The following HLA-DPA1 variants were observed in gnomAD, a reference collection of about 807,000 sequenced individuals.
The protein encoded by HLA-DPA1 is major histocompatibility complex, class II, DP alpha 1, also known as HLA class II histocompatibility antigen, DP alpha 1 chain.
Under a neutral mutation model 21.5 loss-of-function variants are expected in HLA-DPA1, and 20 were observed. The ratio of observed to expected loss-of-function variants is 0.93; its 90% confidence interval spans 0.66 to 1.35. HLA-DPA1 has a LOEUF of 1.35. Ranked by LOEUF, HLA-DPA1 falls within the 40% of genes most tolerant of loss-of-function variation. The probability of loss-of-function intolerance (pLI) is 0.00; values close to 1 mark genes in which losing one functional copy is unlikely to be tolerated. For synonymous variants in HLA-DPA1, 123 were observed against 129.6 expected, an observed-to-expected ratio of 0.95 and a Z score of 0.35; for missense variants, 279 against 323.0, an observed-to-expected ratio of 0.86 and a Z score of 1.05.
Position 33,080,647 on chromosome 6 carries a change from G to A in HLA-DPA1, c.-100+33C>T. The A allele has an allele frequency of 6.2e-7, 1 of 1,612,120 alleles. No homozygotes were observed. The highest frequency in any genetic ancestry group is 1.1e-5 in the South Asian group (1 of 91,054). On this transcript the variant is annotated intron_variant, in intron 1 of 5. Coordinates refer to ENST00000419277, the Ensembl canonical transcript of HLA-DPA1. This position sits in a 1 kb window ranked among gnomAD's most constrained non-coding sequence, Gnocchi z 4.3. Reference sequence around the variant, plus strand: ...AGGATTAGATGAGAGTGGCGCCTCCGCTCATGTCCGCCCCCTCCCCGCAGA... The same window carrying A: ...AGGATTAGATGAGAGTGGCGCCTCCACTCATGTCCGCCCCCTCCCCGCAGA...
intron 1 of HLA-DPA1, among the ~76,000 whole-genome samples, chr6:33,075,771 T>C (rs1442799678): frequency 6.6e-6 from 1 of 152,196 alleles, no homozygotes; most frequent in African/African-American, 2.4e-5. Context: ...TCTGACTGGT[T>C]AAAATGAGTA....
chr6:33,077,622 TCAA>T (rs1370459669), intron 1 of HLA-DPA1, among the ~76,000 whole-genome samples: 2 of 152,156 alleles, frequency 1.3e-5, no homozygotes, highest in Non-Finnish European at 2.9e-5. Flanking sequence ...GTAAACTAGT[TCAA>T]CCATTGTACT....
chr6:33,073,214 A>G (rs936800529), intron 2 of HLA-DPA1, among the ~76,000 whole-genome samples: 2 of 152,228 alleles, frequency 1.3e-5, no homozygotes, highest in African/African-American at 4.8e-5. Flanking sequence ...TTCTAAATAA[A>G]AGGAATAATT....
intron 1 of HLA-DPA1, chr6:33,076,199 C>A: frequency 8.4e-7 from 1 of 1,196,720 alleles, no homozygotes. Context: ...TCCTAGGGGA[C>A]GTTATCTTTA....
rs2567284 is a variant in HLA-DPA1 at position 33,080,535 on chromosome 6, G to A, written c.-100+145C>T. On this transcript the variant is annotated intron_variant, in intron 1 of 5. Transcript: ENST00000419277. The surrounding 1 kb of genome is among the most constrained non-coding windows in gnomAD (Gnocchi z 4.3). ...GACCCGCTTAGGACCACAGAACTCG[G>A]TACTAGGAAAACTCCTATTTTAAAA... 0.01 allele frequency: 12,943 copies of A among 1,281,896 alleles called. 184 individuals carry two copies. Among genetic ancestry groups the A allele is most frequent in the African/African-American group, 0.064 (4,269 of 66,724 alleles). The allele number at this position is 1,281,896 out of a possible 1,614,324, so 79.4% of individuals were successfully genotyped here. A position where few individuals can be genotyped will look rare whatever the true frequency, so the allele number is the denominator to read the frequency against.
chr6:33,064,572 G>C (rs976248605), exon 6 of HLA-DPA1: 1 of 151,884 alleles, frequency 6.6e-6, no homozygotes, highest in Non-Finnish European at 1.5e-5. Context: ...CAATGAATTA[G>C]GGCATTTTAA....
At chr6:33,066,159 A>G (rs898326184) in intron 5 of HLA-DPA1, 1 of 152,172 alleles carries the variant, frequency 6.6e-6, no homozygotes, top group African/African-American at 2.4e-5. Flanking sequence ...AATGTGTGTG[A>G]ACTAAGAAAA....
chr6:33,078,486 A>G (rs1205798791), intron 1 of HLA-DPA1, among the ~76,000 whole-genome samples: 2 of 152,206 alleles, frequency 1.3e-5, no homozygotes, highest in East Asian at 3.8e-4. Context: ...CTTGGCTGAG[A>G]CAACCCATAG....
chr6:33,076,705 A>G (rs1457489256), intron 1 of HLA-DPA1, among the ~76,000 whole-genome samples: 3 of 152,126 alleles, frequency 2.0e-5, no homozygotes, highest in Non-Finnish European at 4.4e-5. Context: ...GCCTCCCCAG[A>G]ACTTGGTTAG....
rs914852630 is a variant in HLA-DPA1, at chr6:33,075,600, C to T, written c.-99-1931G>A. ...AGTCATGCCACTGAATGACCTTTTA[C>T]ACACTAAGATAGCACTTTTTCCACA... On this transcript the variant is annotated intron_variant, in intron 1 of 5. Transcript: ENST00000419277. Among the ~76,000 whole-genome samples, 7 of 152,162 alleles carry T rather than the reference C, an allele frequency of 4.6e-5. 1 individual carries two copies. The highest frequency in any genetic ancestry group is 1.7e-4 in the African/African-American group (7 of 41,436).
At chr6:33,072,515 TATAAC>T (rs1317153579) in intron 2 of HLA-DPA1, among the ~76,000 whole-genome samples, 1 of 152,218 alleles carries the variant, frequency 6.6e-6, no homozygotes, top group Non-Finnish European at 1.5e-5. Context: ...TGGTGTTTAT[TATAAC>T]ATAACATTAG....
At chr6:33,076,048 GT>G in intron 1 of HLA-DPA1, 1 of 1,611,692 alleles carries the variant, frequency 6.2e-7, no homozygotes, top group South Asian at 1.1e-5. Context: ...CTCCATGATG[GT>G]TCTGCAGGTT....
At chr6:33,079,671 G>T in intron 1 of HLA-DPA1, 1 of 482,990 alleles carries the variant, frequency 2.1e-6, no homozygotes. Flanking sequence ...CTGCCCAGTG[G>T]CTTCCAGAAG....
At chr6:33,068,709 C>A in exon 5 of HLA-DPA1, 3 of 1,612,992 alleles carry the variant, frequency 1.9e-6, no homozygotes, top group Non-Finnish European at 2.5e-6. Context: ...ATGATGAGGA[C>A]GGTGCCCACG....
intron 2 of HLA-DPA1, among the ~76,000 whole-genome samples, chr6:33,071,567 C>T (rs2150361722): frequency 6.6e-6 from 1 of 152,302 alleles, no homozygotes; most frequent in African/African-American, 2.4e-5. Flanking sequence ...TAAAAGACTA[C>T]TATATGTCAA....
intron 2 of HLA-DPA1, among the ~76,000 whole-genome samples, chr6:33,073,075 G>C (rs1350544937): frequency 6.6e-6 from 1 of 152,240 alleles, no homozygotes; most frequent in Non-Finnish European, 1.5e-5. Context: ...GTCACTGTGT[G>C]CAGGAATCTG....
chr6:33,070,633 G>A (rs1409593118), intron 2 of HLA-DPA1, among the ~76,000 whole-genome samples: 1 of 152,024 alleles, frequency 6.6e-6, no homozygotes, highest in Non-Finnish European at 1.5e-5. Context: ...TTTCATTTGG[G>A]GCATATAAAT....
At position 33,071,704 on chromosome 6, in the gene HLA-DPA1, C is replaced by T. The variant is rs143684905; in HGVS notation, c.100+1767G>A. Among the ~76,000 whole-genome samples the T allele has an allele frequency of 1.8e-3, 273 of 152,126 alleles. 1 individual carries two copies. Among genetic ancestry groups the T allele is most frequent in the African/African-American group, 6.3e-3 (259 of 41,434 alleles). On this transcript the variant is annotated intron_variant, in intron 2 of 5. Coordinates refer to ENST00000419277, the Ensembl canonical transcript of HLA-DPA1. ...AGGTTCAGAAGGATAAGTGCAGATA[C>T]GTAGGTATACACAAGATGCGACCAA... is the stretch of plus-strand genomic sequence containing the variant.
At chr6:33,068,492 A>G (rs1360279242) in intron 5 of HLA-DPA1, 146 bp downstream of exon 4, 1 of 633,116 alleles carries the variant, frequency 1.6e-6, no homozygotes, top group Non-Finnish European at 2.8e-6. Flanking sequence ...GACCATATTA[A>G]CTACTCAGTT....
Sources: allele counts gnomAD v4.1 joint callset (sites outside exome capture counted in the v4.1 genomes callset), GRCh38; gene constraint gnomAD v4.1.1; non-coding constraint Gnocchi (gnomAD v3.1); transcripts MANE v1.5; gene names NCBI Gene and HGNC (gene_info 2026-07-23, HGNC 2026-07-21).